The following WAC variants were observed in gnomAD, a reference collection of about 807,000 sequenced individuals.
WAC encodes WW domain-containing adapter protein with coiled-coil.
Under a neutral mutation model 79.6 loss-of-function variants are expected in WAC, and 11 were observed. The observed-to-expected ratio is 0.14, with a 90% CI of 0.09 to 0.23. WAC has a LOEUF of 0.23. WAC is among the 10% of genes least tolerant of loss of function. The pLI, the probability that WAC is intolerant of heterozygous loss-of-function variation, is 1.00. For synonymous variants in WAC, 304 were observed against 276.9 expected (o/e 1.10, Z -0.97); for missense variants, 728 against 773.5 (o/e 0.94, Z 0.70).
intron 6 of WAC, among the ~76,000 whole-genome samples, chr10:28,595,452 G>A (rs1840311874): frequency 6.6e-6 from 1 of 151,576 alleles, no homozygotes; most frequent in South Asian, 2.1e-4. Flanking sequence ...TTGAACTACA[G>A]TGTGATTCTA....
At position 28,533,636 on chromosome 10, in the gene WAC, G is replaced by C. The variant is rs1398373153; in HGVS notation, c.41+16G>C. 1.3e-6 allele frequency: 2 copies of C among 1,598,934 alleles called. No homozygotes were observed. The highest frequency in any genetic ancestry group is 1.7e-6 in the Non-Finnish European group (2 of 1,173,116). On this transcript the variant is annotated intron_variant, in intron 1 of 13. Transcript: ENST00000354911. ...TCAGTGATGGGTAAATTGTCTTTTC[G>C]TTTCGGGCCGGGCGGCGGCGGGGGG...
In WAC at chr10:28,583,447, A is replaced by G. The variant is rs1489553432; in HGVS notation, c.323A>G (p.His108Arg). The G allele has an allele frequency of 1.2e-6, 2 of 1,601,090 alleles. No homozygotes were observed. The highest frequency in any genetic ancestry group is 1.7e-6 in the Non-Finnish European group (2 of 1,175,014). The change falls in exon 4 of 14, where the codon CAT becomes CGT. Residue 108 changes from histidine (H) to arginine (R), a missense_variant. Physicochemically the swap from His to Arg is conservative, Grantham distance 29. This residue lies in a region of WAC where 648 missense variants were observed against 661.5 expected (regional missense o/e 0.98). Transcript: ENST00000354911. ...QENSHNHSAL[H>R]SSNSHSSNPS... ...AATTCACACAACCACAGTGCTCTTC[A>G]TAGTTCAAATTCACATTCTTCTAAT...
At chr10:28,617,385 T>G (rs1289031239) in intron 12 of WAC, among the ~76,000 whole-genome samples, 4 of 152,218 alleles carry the variant, frequency 2.6e-5, no homozygotes, top group African/African-American at 9.6e-5. Flanking sequence ...CCACAAATTA[T>G]GAGTCCTTTC....
At chr10:28,582,341 C>G (rs1839581414) in intron 3 of WAC, among the ~76,000 whole-genome samples, 1 of 152,146 alleles carries the variant, frequency 6.6e-6, no homozygotes, top group East Asian at 1.9e-4. Flanking sequence ...ATTAATCGGA[C>G]CATTTTCACT....
At chr10:28,595,120 G>T (rs1274018991) in intron 6 of WAC, among the ~76,000 whole-genome samples, 1 of 152,148 alleles carries the variant, frequency 6.6e-6, no homozygotes, top group Non-Finnish European at 1.5e-5. Flanking sequence ...TCTGGTATTT[G>T]TAACATTAAA....
chr10:28,557,568 C>T (rs1037093879), intron 3 of WAC, among the ~76,000 whole-genome samples: 8 of 151,996 alleles, frequency 5.3e-5, no homozygotes, highest in African/African-American at 1.9e-4. Context: ...GTGGTGTGCC[C>T]CTATGGTCTC....
chr10:28,589,004 T>TG (rs1329605341), intron 4 of WAC: 3 of 152,214 alleles, frequency 2.0e-5, no homozygotes, highest in Non-Finnish European at 4.4e-5. Flanking sequence ...AACTAATCTT[T>TG]GTGAGATTCG....
At chr10:28,533,785 G>C (rs1056516249) in intron 1 of WAC, 165 bp downstream of exon 1, 48 of 985,868 alleles carry the variant, frequency 4.9e-5, no homozygotes, top group Admixed American at 2.7e-4. Flanking sequence ...CGGGAACGCA[G>C]TGTGGCGGGG....
At chr10:28,558,605 T>TA (rs1379427195) in intron 3 of WAC, among the ~76,000 whole-genome samples, 1 of 152,242 alleles carries the variant, frequency 6.6e-6, no homozygotes, top group Non-Finnish European at 1.5e-5. Context: ...CCACCTGTGT[T>TA]ATGTTCCAAA....
intron 6 of WAC, 58 bp from the exon 7 acceptor site, chr10:28,595,675 C>A: frequency 3.3e-6 from 5 of 1,518,358 alleles, no homozygotes; most frequent in Non-Finnish European, 4.5e-6. Context: ...CTAATGTAAT[C>A]TTTTTTCTTC....
At chr10:28,559,195 A>T in intron 3 of WAC, among the ~76,000 whole-genome samples, 1 of 143,920 alleles carries the variant, frequency 6.9e-6, no homozygotes, top group Admixed American at 7.3e-5. Flanking sequence ...GTGCGATAGT[A>T]TATGAGTTGG....
chr10:28,591,233 T>C (rs962497376), intron 6 of WAC: 2 of 180,222 alleles, frequency 1.1e-5, no homozygotes, highest in Non-Finnish European at 2.3e-5. Context: ...CTACACACAG[T>C]GACACCAGAA....
At chr10:28,596,589 T>TA (rs1045879594) in intron 7 of WAC, among the ~76,000 whole-genome samples, 1 of 152,158 alleles carries the variant, frequency 6.6e-6, no homozygotes, top group Non-Finnish European at 1.5e-5. Context: ...TCAGTGTCAA[T>TA]AATCATAGCA....
chr10:28,562,665 G>C (rs1838365202), intron 3 of WAC, among the ~76,000 whole-genome samples: 2 of 152,138 alleles, frequency 1.3e-5, no homozygotes, highest in Admixed American at 1.3e-4. Flanking sequence ...AAAACATTTA[G>C]GCATTTCATT....
intron 2 of WAC, 190 bp downstream of exon 2, chr10:28,534,224 A>T: frequency 2.0e-6 from 1 of 488,836 alleles, no homozygotes; most frequent in East Asian, 3.5e-5. Context: ...TTAGTGACTT[A>T]TTTTGACAGG....
intron 3 of WAC, among the ~76,000 whole-genome samples, chr10:28,563,500 G>A (rs1021597430): frequency 6.6e-6 from 1 of 152,062 alleles, no homozygotes; most frequent in Non-Finnish European, 1.5e-5. Flanking sequence ...TAGTCTTTTT[G>A]GTTCTTCAAC....
chr10:28,586,289 T>C (rs1210817774), intron 4 of WAC, among the ~76,000 whole-genome samples: 3 of 152,192 alleles, frequency 2.0e-5, no homozygotes, highest in Non-Finnish European at 4.4e-5. Flanking sequence ...CCCTGCTAAG[T>C]CCTCTGATAA....
chr10:28,592,632 AAAAAG>A (rs762755680), intron 6 of WAC, among the ~76,000 whole-genome samples: 1 of 152,192 alleles, frequency 6.6e-6, no homozygotes, highest in Non-Finnish European at 1.5e-5. Context: ...AAAAAAAAGA[AAAAAG>A]AAAATGAGTG....
At chr10:28,593,383 G>A (rs576134052) in intron 6 of WAC, among the ~76,000 whole-genome samples, 3 of 152,042 alleles carry the variant, frequency 2.0e-5, no homozygotes, top group Non-Finnish European at 2.9e-5. Flanking sequence ...GGATTCAGAA[G>A]ATTTTTACAT....
Sources: allele counts gnomAD v4.1 joint callset (sites outside exome capture counted in the v4.1 genomes callset), GRCh38; gene constraint gnomAD v4.1.1; regional missense constraint gnomAD v4.1.1; transcripts MANE v1.5; gene names NCBI Gene and HGNC (gene_info 2026-07-23, HGNC 2026-07-21).